Variants in NALF1 observed in about 807,000 individuals in gnomAD.
The protein encoded by NALF1 is family with sequence similarity 155 member A.
In NALF1, 3 loss-of-function variants were observed where a neutral mutation model predicts 48.4. That is an observed-to-expected ratio of 0.06 (90% CI 0.03 to 0.16). NALF1 has a LOEUF of 0.16. Ranked by LOEUF, NALF1 falls within the 10% of genes least tolerant of loss-of-function variation. The probability of loss-of-function intolerance (pLI) is 1.00; values close to 1 mark genes in which losing one functional copy is unlikely to be tolerated. For synonymous variants in NALF1, 262 were observed against 245.7 expected (o/e 1.07, Z -0.62); for missense variants, 526 against 571.5 (o/e 0.92, Z 0.81).
chr13:107,760,861 T>C (rs1877242452), intron 1 of NALF1, among the ~76,000 whole-genome samples: 1 of 152,086 alleles, frequency 6.6e-6, no homozygotes. Flanking sequence ...TTTTTTGCAG[T>C]AGTAGTTGAG....
At chr13:107,292,411 CA>C (rs1881639894) in intron 1 of NALF1, among the ~76,000 whole-genome samples, 2 of 152,294 alleles carry the variant, frequency 1.3e-5, no homozygotes, top group East Asian at 3.9e-4. Flanking sequence ...TGGCTTAAAA[CA>C]CAAACACATT....
chr13:107,579,367 A>C (rs1359326415), intron 1 of NALF1, among the ~76,000 whole-genome samples: 4 of 152,238 alleles, frequency 2.6e-5, no homozygotes, highest in Non-Finnish European at 5.9e-5. Context: ...CTGGGATTAC[A>C]GGCATAAGCC....
chr13:107,746,188 T>C (rs1001732026), intron 1 of NALF1, among the ~76,000 whole-genome samples: 3 of 152,228 alleles, frequency 2.0e-5, no homozygotes, highest in African/African-American at 7.2e-5. Flanking sequence ...AAATATCTTC[T>C]GTCACCTTGT....
At position 107,866,652 on chromosome 13, in the gene NALF1, TCAC is replaced by T; in HGVS notation, c.-59_-57del. 1 of 1,448,028 alleles carries T rather than the reference TCAC, an allele frequency of 6.9e-7. No homozygotes were observed. Among genetic ancestry groups the T allele is most frequent in the Non-Finnish European group, 9.4e-7 (1 of 1,064,460 alleles). The allele number at this position is 1,448,028 out of a possible 1,614,324, so 89.7% of individuals were successfully genotyped here. On this transcript the variant is annotated 5_prime_UTR_variant, in exon 1 of 3. Transcript: ENST00000375915. This position sits in a 1 kb window ranked among gnomAD's most constrained non-coding sequence, Gnocchi z 4.4. ...CACCGTGAGGGCGCCTGTGCCGGTG[TCAC>T]CACAATATGCATTGACTTAAAGGGT...
chr13:107,595,263 TA>T (rs1311791560), intron 1 of NALF1, among the ~76,000 whole-genome samples: 1 of 152,170 alleles, frequency 6.6e-6, no homozygotes, highest in Non-Finnish European at 1.5e-5. Context: ...GGAGTCTATC[TA>T]ATCTACCATA....
At chr13:107,197,338 C>T (rs764573463) in intron 2 of NALF1, among the ~76,000 whole-genome samples, 4 of 152,100 alleles carry the variant, frequency 2.6e-5, no homozygotes, top group South Asian at 2.1e-4. Context: ...ACCCTAAATA[C>T]GCAAAATACA....
At chr13:107,352,674 C>T (rs186490821) in intron 1 of NALF1, among the ~76,000 whole-genome samples, 3 of 152,272 alleles carry the variant, frequency 2.0e-5, no homozygotes, top group Admixed American at 1.3e-4. Flanking sequence ...CAAAGCCCCA[C>T]GTTCTAATGC....
chr13:107,303,928 C>T (rs1277708349), intron 1 of NALF1, among the ~76,000 whole-genome samples: 2 of 152,026 alleles, frequency 1.3e-5, no homozygotes, highest in Non-Finnish European at 2.9e-5. Flanking sequence ...TGTCAGAGTA[C>T]TTTTGCAAAA....
intron 1 of NALF1, among the ~76,000 whole-genome samples, chr13:107,367,857 G>C (rs151195197): frequency 2.6e-4 from 39 of 152,224 alleles, no homozygotes; most frequent in African/African-American, 8.9e-4. Context: ...CTAGTTTACT[G>C]TACTAAAAAG....
intron 1 of NALF1, among the ~76,000 whole-genome samples, chr13:107,384,696 C>T (rs1883498524): frequency 6.6e-6 from 1 of 152,246 alleles, no homozygotes; most frequent in East Asian, 1.9e-4. Context: ...TTTAAATTAA[C>T]TTTCCTCACT....
chr13:107,599,377 G>C (rs1878855649), intron 1 of NALF1, among the ~76,000 whole-genome samples: 1 of 150,078 alleles, frequency 6.7e-6, no homozygotes, highest in Non-Finnish European at 1.5e-5. Flanking sequence ...AGCCAAGATT[G>C]CGCCACTGCA....
At chr13:107,619,094 T>C (rs758212283) in intron 1 of NALF1, among the ~76,000 whole-genome samples, 1 of 152,228 alleles carries the variant, frequency 6.6e-6, no homozygotes, top group Non-Finnish European at 1.5e-5. Context: ...CACTGATTAC[T>C]GTGATGGAGG....
chr13:107,314,081 G>A (rs1882096965), intron 1 of NALF1, among the ~76,000 whole-genome samples: 1 of 152,006 alleles, frequency 6.6e-6, no homozygotes, highest in Admixed American at 6.6e-5. Flanking sequence ...AGCAAAATTA[G>A]AACAAGGAAA....
At chr13:107,533,439 A>T (rs1408017) in intron 1 of NALF1, among the ~76,000 whole-genome samples, 115,324 of 151,986 alleles carry the variant, frequency 0.76, 45,710 homozygotes, top group South Asian at 0.91. Context: ...CTCTGCCATG[A>T]GAGGACACAG....
At chr13:107,754,374 C>T (rs1239303124) in intron 1 of NALF1, among the ~76,000 whole-genome samples, 3 of 151,258 alleles carry the variant, frequency 2.0e-5, no homozygotes, top group Admixed American at 2.0e-4. Context: ...CACACACACA[C>T]ACACACACAC....
intron 1 of NALF1, among the ~76,000 whole-genome samples, chr13:107,483,444 A>C (rs1411733275): frequency 6.6e-6 from 1 of 152,188 alleles, no homozygotes; most frequent in Non-Finnish European, 1.5e-5. Context: ...GTTTTCATAT[A>C]ATCAGATTTC....
intron 1 of NALF1, among the ~76,000 whole-genome samples, chr13:107,341,880 A>AAC (rs57041785): frequency 0.052 from 7,701 of 146,708 alleles, 258 homozygotes; most frequent in African/African-American, 0.089. Context: ...TGCACATGCA[A>AAC]ACACACACAC....
chr13:107,570,268 T>G (rs1877946591), intron 1 of NALF1, among the ~76,000 whole-genome samples: 1 of 152,096 alleles, frequency 6.6e-6, no homozygotes, highest in Admixed American at 6.6e-5. Flanking sequence ...ATGTTAATTC[T>G]GATCTCAGAG....
chr13:107,515,035 C>T (rs1876014101), intron 1 of NALF1, among the ~76,000 whole-genome samples: 1 of 152,152 alleles, frequency 6.6e-6, no homozygotes, highest in Admixed American at 6.5e-5. Context: ...AGCTGTATGG[C>T]CATATGCAGG....
Sources: allele counts gnomAD v4.1 joint callset (sites outside exome capture counted in the v4.1 genomes callset), GRCh38; gene constraint gnomAD v4.1.1; non-coding constraint Gnocchi (gnomAD v3.1); transcripts MANE v1.5; gene names NCBI Gene and HGNC (gene_info 2026-07-23, HGNC 2026-07-21).